The following PCDH15 variants were observed in gnomAD, a reference collection of about 807,000 sequenced individuals.
PCDH15 encodes the protein protocadherin-15.
Under a neutral mutation model 178.5 loss-of-function variants are expected in PCDH15, and 129 were observed. That is an observed-to-expected ratio of 0.72 (90% CI 0.63 to 0.84). The LOEUF (loss-of-function observed/expected upper bound fraction) is 0.84, where lower values mean the gene tolerates loss of function less well. Among genes scored for constraint, PCDH15 ranks in the 40% least tolerant of loss-of-function variants. The probability of loss-of-function intolerance (pLI) is 0.00; values close to 1 mark genes in which losing one functional copy is unlikely to be tolerated. For missense variants in PCDH15, 2,230 were observed against 2,099.9 expected (o/e 1.06, Z -1.21); for synonymous variants, 800 against 732.0 (o/e 1.09, Z -1.50).
At chr10:54,760,061 T>C (rs1947673553) in intron 1 of PCDH15, among the ~76,000 whole-genome samples, 1 of 152,086 alleles carries the variant, frequency 6.6e-6, no homozygotes, top group South Asian at 2.1e-4. Context: ...ATAACTTACA[T>C]TTACTAAGAA....
intron 2 of PCDH15, among the ~76,000 whole-genome samples, chr10:54,971,141 G>T (rs1838920029): frequency 6.6e-6 from 1 of 152,076 alleles, no homozygotes; most frequent in African/African-American, 2.4e-5. Flanking sequence ...TGTAAATTTT[G>T]GGGGTCAAGA....
intron 2 of PCDH15, among the ~76,000 whole-genome samples, chr10:54,563,388 A>AAACC (rs2088509211): frequency 5.9e-5 from 9 of 151,906 alleles, no homozygotes; most frequent in African/African-American, 1.9e-4. Context: ...GGTTTACATG[A>AAACC]GTAATTGCCT....
At chr10:54,708,376 T>G (rs970735001) in intron 1 of PCDH15, among the ~76,000 whole-genome samples, 5 of 152,212 alleles carry the variant, frequency 3.3e-5, no homozygotes, top group Admixed American at 2.0e-4. Context: ...CTAACCCAAG[T>G]TGGACTGTGA....
chr10:55,294,412 C>T (rs977518564), intron 1 of PCDH15, among the ~76,000 whole-genome samples: 7 of 152,210 alleles, frequency 4.6e-5, no homozygotes, highest in South Asian at 2.1e-4. Context: ...AATTTCCTGG[C>T]TTTCATCTGC....
chr10:54,471,178 GA>G (rs2077894267), intron 3 of PCDH15, among the ~76,000 whole-genome samples: 1 of 151,992 alleles, frequency 6.6e-6, no homozygotes, highest in African/African-American at 2.4e-5. Flanking sequence ...ACAAGGAAAA[GA>G]AAACATATTT....
chr10:55,317,203 C>G (rs530110597), intron 1 of PCDH15, among the ~76,000 whole-genome samples: 1 of 152,236 alleles, frequency 6.6e-6, no homozygotes, highest in Non-Finnish European at 1.5e-5. Context: ...GGTCTCAACA[C>G]ATTGTTGTGA....
At chr10:54,995,842 G>A (rs1464531203) in intron 2 of PCDH15, among the ~76,000 whole-genome samples, 1 of 151,086 alleles carries the variant, frequency 6.6e-6, no homozygotes, top group Non-Finnish European at 1.5e-5. Context: ...GTTGTCTGTT[G>A]ACAAACTCCT....
At chr10:55,044,556 T>C (rs1187777703) in intron 2 of PCDH15, among the ~76,000 whole-genome samples, 2 of 152,148 alleles carry the variant, frequency 1.3e-5, no homozygotes, top group African/African-American at 2.4e-5. Context: ...GGTATTGACA[T>C]ACCTCTACAT....
intron 2 of PCDH15, among the ~76,000 whole-genome samples, chr10:55,623,948 T>C (rs961103731): frequency 6.6e-6 from 1 of 152,066 alleles, no homozygotes; most frequent in African/African-American, 2.4e-5. Flanking sequence ...GACTACTCTC[T>C]CTCTCACCCT....
chr10:53,809,568 T>TTGAAG (rs1055495426), intron 37 of PCDH15: 1 of 1,601,270 alleles, frequency 6.2e-7, no homozygotes, highest in Non-Finnish European at 8.5e-7. Flanking sequence ...GAAAATGCAA[T>TTGAAG]TGAAGTGTCA....
intron 32 of PCDH15, chr10:53,821,167 A>G (rs2076250074): frequency 2.1e-6 from 2 of 971,924 alleles, no homozygotes; most frequent in African/African-American, 1.8e-5. Flanking sequence ...TAAAGAGAAT[A>G]AGACAGCAAC....
upstream of PCDH15, among the ~76,000 whole-genome samples, chr10:54,803,414 C>T (rs1952723940): frequency 1.3e-5 from 2 of 152,116 alleles, no homozygotes; most frequent in South Asian, 4.1e-4. Context: ...CACCCTTAAT[C>T]AAGGTCTTGA....
chr10:54,154,739 A>T (rs1236793155), intron 13 of PCDH15, among the ~76,000 whole-genome samples: 1 of 152,216 alleles, frequency 6.6e-6, no homozygotes, highest in Non-Finnish European at 1.5e-5. Flanking sequence ...ATTGAGAATG[A>T]AAAAGGAAAT....
At chr10:55,314,057 C>T (rs910919951) in intron 1 of PCDH15, among the ~76,000 whole-genome samples, 1 of 151,776 alleles carries the variant, frequency 6.6e-6, no homozygotes, top group Non-Finnish European at 1.5e-5. Context: ...GCATGATGCA[C>T]ACCCAGTTAC....
chr10:54,344,978 A>T (rs57790666), intron 6 of PCDH15, among the ~76,000 whole-genome samples: 35,426 of 135,908 alleles, frequency 0.26, 4,959 homozygotes, highest in African/African-American at 0.4. Flanking sequence ...ATATATATAT[A>T]TTATATATAT....
rs188912411 is a variant in PCDH15, at chr10:54,401,400, A to G, written c.158-22458T>C. ...ACATTTTAGGTTAAGTATATTTTCAATGTTTCAATTATAACTGTAAATCTA... is the reference window on the plus strand; with the variant it reads ...ACATTTTAGGTTAAGTATATTTTCAGTGTTTCAATTATAACTGTAAATCTA... On this transcript the variant is annotated intron_variant, in intron 3 of 37. Coordinates refer to ENST00000644397, the MANE Select transcript of PCDH15 (RefSeq NM_001384140.1). 1.6e-3 allele frequency among the ~76,000 whole-genome samples: 240 copies of G among 152,050 alleles called. 3 individuals carry two copies. The highest frequency in any genetic ancestry group is 0.01 in the Middle Eastern group (3 of 294).
At chr10:54,561,799 A>G (rs2088198265) in intron 2 of PCDH15, among the ~76,000 whole-genome samples, 1 of 151,806 alleles carries the variant, frequency 6.6e-6, no homozygotes, top group Non-Finnish European at 1.5e-5. Context: ...AAAAAACCTT[A>G]ATTCTGATTT....
intron 20 of PCDH15, among the ~76,000 whole-genome samples, chr10:54,006,526 C>T (rs2092392272): frequency 6.6e-6 from 1 of 152,118 alleles, no homozygotes. Context: ...TTGTTTGAGT[C>T]TGGGACAACC....
At chr10:54,943,270 C>G (rs181596778) in intron 2 of PCDH15, among the ~76,000 whole-genome samples, 1 of 152,046 alleles carries the variant, frequency 6.6e-6, no homozygotes, top group East Asian at 1.9e-4. Context: ...TGTTCATCCT[C>G]AAAGCCAATA....
Sources: allele counts gnomAD v4.1 joint callset (sites outside exome capture counted in the v4.1 genomes callset), GRCh38; gene constraint gnomAD v4.1.1; transcripts MANE v1.5; gene names NCBI Gene and HGNC (gene_info 2026-07-23, HGNC 2026-07-21).